Variants in ZFHX3 observed in about 807,000 individuals in gnomAD.
ZFHX3 encodes zinc finger homeobox 3.
A neutral mutation model predicts 279.1 loss-of-function variants in ZFHX3; 42 were observed. The observed-to-expected ratio is 0.15, with a 90% CI of 0.12 to 0.19. The LOEUF is 0.19. Among genes scored for constraint, ZFHX3 ranks in the 10% least tolerant of loss-of-function variants. The pLI, the probability that ZFHX3 is intolerant of heterozygous loss-of-function variation, is 1.00. For synonymous variants in ZFHX3, 2,293 were observed against 1,957.8 expected, an observed-to-expected ratio of 1.17 and a Z score of -4.52; for missense variants, 4,981 against 4,754.0, an observed-to-expected ratio of 1.05 and a Z score of -1.40.
At chr16:73,371,313 A>G (rs1018560980) in intron 3 of ZFHX3, among the ~76,000 whole-genome samples, 3 of 151,866 alleles carry the variant, frequency 2.0e-5, no homozygotes, top group Non-Finnish European at 4.4e-5. Flanking sequence ...TCTCAAAACA[A>G]AAGACCTCAT....
intron 3 of ZFHX3, 61 bp downstream of exon 3, chr16:72,950,408 C>T (rs1960925899): frequency 6.3e-7 from 1 of 1,576,628 alleles, no homozygotes; most frequent in Non-Finnish European, 8.6e-7. Flanking sequence ...TCCCTAACTC[C>T]CCGGTGCGCA....
At chr16:73,519,843 G>T (rs1472241633) in intron 2 of ZFHX3, among the ~76,000 whole-genome samples, 1 of 152,124 alleles carries the variant, frequency 6.6e-6, no homozygotes, top group African/African-American at 2.4e-5. Context: ...TATGGAAGTG[G>T]CATTGCTCAC....
At chr16:73,859,800 C>A (rs999580072) in intron 1 of ZFHX3, among the ~76,000 whole-genome samples, 1 of 152,148 alleles carries the variant, frequency 6.6e-6, no homozygotes, top group Non-Finnish European at 1.5e-5. Context: ...ATAAAATTCA[C>A]ACAATGTCAG....
chr16:73,465,614 G>A lies in ZFHX3; in HGVS notation c.-1546-9356C>T, dbSNP rs147628846. Among the ~76,000 whole-genome samples, 13 of 152,264 alleles carry A rather than the reference G, an allele frequency of 8.5e-5. No homozygotes were observed. The East Asian group carries it at 2.5e-3, about 30-fold the overall frequency. ...CTGCCCTGCCCAGTCCTGCTGCCCT[G>A]CCTAGTCCTGCACCCCAGGTGAGGA... On this transcript the variant is annotated intron_variant, in intron 2 of 17. Coordinates refer to the ZFHX3 transcript ENST00000641206.
intron 4 of ZFHX3, among the ~76,000 whole-genome samples, chr16:73,306,844 G>T (rs79391881): frequency 6.6e-6 from 1 of 152,198 alleles, no homozygotes; most frequent in Non-Finnish European, 1.5e-5. Flanking sequence ...CCAATGCTAC[G>T]TTATCATTTC....
intron 3 of ZFHX3, among the ~76,000 whole-genome samples, chr16:72,907,545 T>TTGTGTGTGTGTGTGTGTGTG (rs547618913): frequency 1.7e-4 from 21 of 120,482 alleles, no homozygotes; most frequent in East Asian, 5.2e-4. Context: ...TTTCCTCTAT[T>TTGTGTGTGTGTGTGTGTGTG]TGTGTGTGTG....
chr16:73,565,508 G>C (rs1184970313), intron 2 of ZFHX3, among the ~76,000 whole-genome samples: 1 of 152,178 alleles, frequency 6.6e-6, no homozygotes, highest in Non-Finnish European at 1.5e-5. Context: ...TTCCCGAAAG[G>C]TTACCTCGAA....
chr16:73,090,872 C>T (rs1360402319), intron 8 of ZFHX3, among the ~76,000 whole-genome samples: 1 of 147,102 alleles, frequency 6.8e-6, no homozygotes, highest in Admixed American at 6.8e-5. Flanking sequence ...GATTGCACCA[C>T]TGTACTCCAG....
At chr16:73,194,650 A>G (rs1228629601) in intron 5 of ZFHX3, among the ~76,000 whole-genome samples, 1 of 152,228 alleles carries the variant, frequency 6.6e-6, no homozygotes, top group African/African-American at 2.4e-5. Context: ...AATTGAACCC[A>G]AGCTAGGCTT....
At chr16:73,750,512 A>G (rs947550836) in intron 1 of ZFHX3, among the ~76,000 whole-genome samples, 2 of 152,148 alleles carry the variant, frequency 1.3e-5, no homozygotes, top group Non-Finnish European at 2.9e-5. Flanking sequence ...CAAAAATAAC[A>G]CAATGAGGCA....
intron 3 of ZFHX3, among the ~76,000 whole-genome samples, chr16:73,405,080 C>T (rs896330559): frequency 2.0e-5 from 3 of 152,144 alleles, no homozygotes; most frequent in South Asian, 2.1e-4. Context: ...CTCTTCAAGG[C>T]TGATATGAGC....
rs55806545 is a variant in ZFHX3 at position 73,807,620 on chromosome 16, A to ATTT, written c.-1608+84028_-1608+84030dup. Among the ~76,000 whole-genome samples, 146 of 70,586 alleles carry ATTT rather than the reference A, an allele frequency of 2.1e-3. 3 individuals carry two copies. The highest frequency in any genetic ancestry group is 5.0e-3 in the African/African-American group (92 of 18,274). 46.3% of individuals were successfully genotyped at this position (70,586 alleles called of 152,430 possible). ...TACAGGCACATTCCACCATGCCCCA[A>ATTT]TTTTTTTTTTTTTTTTTTTTTTTTT... On this transcript the variant is annotated intron_variant, in intron 1 of 17. Transcript: ENST00000641206.
At chr16:73,788,990 A>G (rs115874040) in intron 1 of ZFHX3, among the ~76,000 whole-genome samples, 2,478 of 150,646 alleles carry the variant, frequency 0.016, 39 homozygotes, top group Middle Eastern at 0.053. Flanking sequence ...TAACAATAAT[A>G]TTTGCAATTC....
rs368060791 is a variant in ZFHX3, at chr16:73,658,438, G to A, written c.-1547+21742C>T. ...CTGCCTCAGCCTCCCGAGTAGCTGGGATTATAGGCATGCGCCACCACACCC... is the reference window on the plus strand; with the variant it reads ...CTGCCTCAGCCTCCCGAGTAGCTGGAATTATAGGCATGCGCCACCACACCC... On this transcript the variant is annotated intron_variant, in intron 2 of 17. Coordinates refer to the ZFHX3 transcript ENST00000641206. 3.3e-5 allele frequency among the ~76,000 whole-genome samples: 5 copies of A among 152,124 alleles called. No homozygotes were observed. In the East Asian group the frequency reaches 7.7e-4, roughly 23 times the overall value.
intron 5 of ZFHX3, among the ~76,000 whole-genome samples, chr16:73,153,444 A>AT (rs34470044): frequency 0.2 from 30,701 of 151,620 alleles, 3,367 homozygotes; most frequent in Middle Eastern, 0.28. Context: ...AGCCCTTTAG[A>AT]TCCTTGATAT....
chr16:73,010,007 C>T (rs956422155), intron 1 of ZFHX3, among the ~76,000 whole-genome samples: 34 of 141,532 alleles, frequency 2.4e-4, no homozygotes, highest in Non-Finnish European at 2.3e-4. Flanking sequence ...GGTTACAGAG[C>T]GAGACTCCCT....
At chr16:73,517,081 A>C (rs1567507391) in intron 2 of ZFHX3, among the ~76,000 whole-genome samples, 1 of 152,178 alleles carries the variant, frequency 6.6e-6, no homozygotes, top group South Asian at 2.1e-4. Flanking sequence ...TAACAAATCC[A>C]TCAGGCTGAG....
intron 4 of ZFHX3, among the ~76,000 whole-genome samples, chr16:73,296,446 G>C (rs1344627586): frequency 2.0e-5 from 3 of 152,092 alleles, no homozygotes; most frequent in African/African-American, 7.2e-5. Flanking sequence ...ATATATCCAA[G>C]GACAGTACTG....
At chr16:73,145,210 G>T (rs993867163) in intron 5 of ZFHX3, among the ~76,000 whole-genome samples, 1 of 152,116 alleles carries the variant, frequency 6.6e-6, no homozygotes, top group African/African-American at 2.4e-5. Context: ...GGGAGCAGGG[G>T]TGACCAGAGA....
Sources: allele counts gnomAD v4.1 joint callset (sites outside exome capture counted in the v4.1 genomes callset), GRCh38; gene constraint gnomAD v4.1.1; transcripts MANE v1.5; gene names NCBI Gene and HGNC (gene_info 2026-07-23, HGNC 2026-07-21).